Variants in LRP1B observed in about 807,000 individuals in gnomAD.
LRP1B encodes LDL receptor related protein 1B, also known as low-density lipoprotein receptor-related protein 1B.
Under a neutral mutation model 556.6 loss-of-function variants are expected in LRP1B, and 217 were observed. The ratio of observed to expected loss-of-function variants is 0.39; its 90% confidence interval spans 0.35 to 0.44. LRP1B has a LOEUF of 0.44. LRP1B is among the 20% of genes least tolerant of loss of function. The pLI is 1.00. For missense variants in LRP1B, 5,053 were observed against 5,620.8 expected, an observed-to-expected ratio of 0.90 and a Z score of 3.23; for synonymous variants, 2,047 against 1,865.8, an observed-to-expected ratio of 1.10 and a Z score of -2.50.
intron 11 of LRP1B, among the ~76,000 whole-genome samples, chr2:141,043,690 T>A (rs896371311): frequency 6.6e-6 from 1 of 151,966 alleles, no homozygotes; most frequent in African/African-American, 2.4e-5. Flanking sequence ...AATGAAGGCA[T>A]ACAGTTTAAA....
rs146501655 is a variant in LRP1B at position 141,415,426 on chromosome 2, C to A, written c.343+64970G>T. Among the ~76,000 whole-genome samples the A allele has an allele frequency of 3.3e-3, 502 of 152,226 alleles. 1 individual carries two copies. The highest frequency in any genetic ancestry group is 6.6e-3 in the Admixed American group (101 of 15,288). On this transcript the variant is annotated intron_variant, in intron 3 of 90. Coordinates refer to ENST00000389484, the MANE Select transcript of LRP1B (RefSeq NM_018557.3). ...AGAGAATAGCTAATCTAAAACTCTC[C>A]ATTGAGAGATATTAATGGTTGTCCT...
At chr2:141,593,107 A>G (rs553141566) in intron 2 of LRP1B, among the ~76,000 whole-genome samples, 1 of 152,178 alleles carries the variant, frequency 6.6e-6, no homozygotes, top group Admixed American at 6.6e-5. Flanking sequence ...ACAACATAAC[A>G]GGACTAGATA....
At chr2:140,446,297 A>G (rs1302349687) in intron 63 of LRP1B, among the ~76,000 whole-genome samples, 5 of 152,154 alleles carry the variant, frequency 3.3e-5, no homozygotes, top group African/African-American at 1.2e-4. Flanking sequence ...AGCCCATCTG[A>G]GCTTCAACTC....
At chr2:140,978,901 T>C (rs576053658) in intron 18 of LRP1B, among the ~76,000 whole-genome samples, 1 of 152,300 alleles carries the variant, frequency 6.6e-6, no homozygotes, top group South Asian at 2.1e-4. Context: ...AACCAAACTG[T>C]CTAGCTGCTA....
intron 2 of LRP1B, among the ~76,000 whole-genome samples, chr2:141,645,148 C>G (rs1689506929): frequency 6.6e-6 from 1 of 152,046 alleles, no homozygotes; most frequent in Non-Finnish European, 1.5e-5. Context: ...AAAGTGAGGT[C>G]TGCCCAAATT....
intron 35 of LRP1B, among the ~76,000 whole-genome samples, chr2:140,719,276 C>G (rs1193771780): frequency 6.6e-6 from 1 of 151,954 alleles, no homozygotes; most frequent in Non-Finnish European, 1.5e-5. Flanking sequence ...TGCTTTTTAG[C>G]TCATTAAGGA....
At position 140,270,223 on chromosome 2, in the gene LRP1B, G is replaced by A. The variant is rs2104943562; in HGVS notation, c.13247+19C>T. 1 of 1,574,444 alleles carries A rather than the reference G, an allele frequency of 6.4e-7. No individual in the cohort carries two copies. The highest frequency in any genetic ancestry group is 8.7e-7 in the Non-Finnish European group (1 of 1,144,908). ...CAAAGGCTTATTATAAGATGCCCAT[G>A]ACTTGATTAAATACTCACAGACACA... On this transcript the variant is annotated intron_variant, in intron 86 of 90. Coordinates refer to ENST00000389484, the MANE Select transcript of LRP1B (RefSeq NM_018557.3).
chr2:142,086,846 AG>A (rs1366873784), intron 1 of LRP1B, among the ~76,000 whole-genome samples: 1 of 152,228 alleles, frequency 6.6e-6, no homozygotes, highest in Non-Finnish European at 1.5e-5. Context: ...TATCAGAGTT[AG>A]GTAAGAAAAT....
intron 60 of LRP1B, among the ~76,000 whole-genome samples, chr2:140,463,318 T>G (rs1024622947): frequency 4.6e-5 from 7 of 152,132 alleles, no homozygotes; most frequent in Non-Finnish European, 8.8e-5. Flanking sequence ...GAAAGAAAGA[T>G]CATGCTTTAT....
chr2:141,734,331 GC>G (rs934090931), intron 2 of LRP1B, among the ~76,000 whole-genome samples: 5 of 152,022 alleles, frequency 3.3e-5, no homozygotes, highest in Admixed American at 3.3e-4. Flanking sequence ...CAATGTTTAA[GC>G]TATATAAATT....
intron 41 of LRP1B, among the ~76,000 whole-genome samples, chr2:140,615,657 G>C (rs1683228846): frequency 6.6e-6 from 1 of 152,006 alleles, no homozygotes; most frequent in Non-Finnish European, 1.5e-5. Context: ...GTTTCTCTTA[G>C]CTATTAGAGT....
intron 41 of LRP1B, among the ~76,000 whole-genome samples, chr2:140,697,664 C>T (rs1450570786): frequency 1.3e-5 from 2 of 151,982 alleles, no homozygotes; most frequent in African/African-American, 4.8e-5. Context: ...AAACACTATG[C>T]TAAGTGAAAC....
intron 2 of LRP1B, among the ~76,000 whole-genome samples, chr2:141,620,793 A>C (rs1688480610): frequency 6.6e-6 from 1 of 152,068 alleles, no homozygotes; most frequent in African/African-American, 2.4e-5. Context: ...CCTTTTCAGA[A>C]CCCATTTGGT....
intron 83 of LRP1B, among the ~76,000 whole-genome samples, chr2:140,300,769 C>A (rs1415154105): frequency 6.6e-6 from 1 of 152,030 alleles, no homozygotes; most frequent in African/African-American, 2.4e-5. Flanking sequence ...AATAATACTG[C>A]CTACCTCATG....
At chr2:141,498,996 C>T (rs2105128167) in intron 2 of LRP1B, among the ~76,000 whole-genome samples, 1 of 152,162 alleles carries the variant, frequency 6.6e-6, no homozygotes, top group East Asian at 1.9e-4. Context: ...TCATTTTCAG[C>T]AATGTCTTCT....
At chr2:141,655,185 C>G (rs949968880) in intron 2 of LRP1B, among the ~76,000 whole-genome samples, 1 of 152,110 alleles carries the variant, frequency 6.6e-6, no homozygotes, top group Non-Finnish European at 1.5e-5. Context: ...AATACATTAT[C>G]AAAATTTGAT....
At chr2:141,045,888 T>C (rs1163258427) in intron 11 of LRP1B, among the ~76,000 whole-genome samples, 2 of 152,146 alleles carry the variant, frequency 1.3e-5, no homozygotes. Flanking sequence ...ATCTCGTCTT[T>C]ATGGAAGTTT....
At chr2:140,733,010 T>G (rs1302627361) in intron 35 of LRP1B, among the ~76,000 whole-genome samples, 1 of 152,190 alleles carries the variant, frequency 6.6e-6, no homozygotes, top group African/African-American at 2.4e-5. Flanking sequence ...CTTGTGTGCA[T>G]GTATGTGTGT....
intron 32 of LRP1B, among the ~76,000 whole-genome samples, chr2:140,791,184 G>A (rs1690107075): frequency 6.6e-6 from 1 of 152,076 alleles, no homozygotes; most frequent in Admixed American, 6.5e-5. Flanking sequence ...AACCCAGGAG[G>A]CAGAGGTTGC....
Sources: gnomAD v4.1 joint callset for allele counts (sites outside exome capture counted in the v4.1 genomes callset) on GRCh38, gnomAD v4.1.1 for gene constraint, MANE v1.5 for transcripts, NCBI Gene and HGNC (gene_info 2026-07-23, HGNC 2026-07-21) for gene names.